LRBA: variants seen among roughly 807,000 people sequenced by gnomAD.
LRBA encodes the protein lipopolysaccharide-responsive and beige-like anchor protein.
In LRBA, 176 loss-of-function variants were observed where a neutral mutation model predicts 330.0. The observed-to-expected ratio is 0.53, with a 90% confidence interval of 0.47 to 0.60. LRBA has a LOEUF of 0.60. Ranked by LOEUF, LRBA falls within the 20% of genes least tolerant of loss-of-function variation. LRBA has a pLI of 0.00. For synonymous variants in LRBA, 1,230 were observed against 1,193.0 expected (o/e 1.03, Z -0.64); for missense variants, 3,259 against 3,444.8 (o/e 0.95, Z 1.35).
chr4:150,793,168 G>C (rs938171785), intron 34 of LRBA, among the ~76,000 whole-genome samples: 5 of 151,944 alleles, frequency 3.3e-5, no homozygotes, highest in Non-Finnish European at 7.4e-5. Flanking sequence ...AGCCATGTAT[G>C]CTGGCATGTG....
At chr4:150,522,298 T>C (rs1762997922) in intron 40 of LRBA, among the ~76,000 whole-genome samples, 1 of 152,108 alleles carries the variant, frequency 6.6e-6, no homozygotes, top group Non-Finnish European at 1.5e-5. Flanking sequence ...TATTAATATT[T>C]TGTTAGAGGA....
rs144148109 is a variant in LRBA at position 150,655,966 on chromosome 4, C to T, written c.5921+27585G>A. On this transcript the variant is annotated intron_variant, in intron 37 of 56. Coordinates refer to ENST00000651943, the MANE Select transcript of LRBA (RefSeq NM_001364905.1). ...AACATCTTTTTGTATTCTCTCCCAT[C>T]GCAAACCTAGTCTAACTTGTAGGAT... Among the ~76,000 whole-genome samples the T allele has an allele frequency of 2.0e-3, 299 of 152,280 alleles. 3 individuals carry two copies. The highest frequency in any genetic ancestry group is 7.0e-3 in the African/African-American group (290 of 41,554).
At position 150,671,041 on chromosome 4, in the gene LRBA, T is replaced by TGA. The variant is rs369417809; in HGVS notation, c.5921+12508_5921+12509dup. Reference sequence around the variant, plus strand: ...GTGTGTGTGTGTGTGTGTGTGTGTGTGAGAGAGAGAGAGAGAGAGAGACAG... The same window carrying TGA: ...GTGTGTGTGTGTGTGTGTGTGTGTGTGAGAGAGAGAGAGAGAGAGAGAGACAG... On this transcript the variant is annotated intron_variant, in intron 37 of 56. Coordinates refer to ENST00000651943, the MANE Select transcript of LRBA (RefSeq NM_001364905.1). Among the ~76,000 whole-genome samples, 245 of 142,792 alleles carry TGA rather than the reference T, an allele frequency of 1.7e-3. 1 individual carries two copies. Among genetic ancestry groups the TGA allele is most frequent in the Middle Eastern group, 3.5e-3 (1 of 286 alleles). 93.7% of individuals were successfully genotyped at this position (142,792 alleles called of 152,430 possible). A position where few individuals can be genotyped will look rare whatever the true frequency, so the allele number is the denominator to read the frequency against.
chr4:151,009,706 C>A (rs1028689391), intron 2 of LRBA, among the ~76,000 whole-genome samples: 2 of 151,522 alleles, frequency 1.3e-5, no homozygotes, highest in Non-Finnish European at 2.9e-5. Context: ...CAGAGCAAGG[C>A]GCGGTGGCTC....
intron 53 of LRBA, among the ~76,000 whole-genome samples, chr4:150,298,560 T>TA (rs1729252306): frequency 1.3e-5 from 2 of 152,098 alleles, no homozygotes; most frequent in Non-Finnish European, 2.9e-5. Flanking sequence ...TACAGTACTT[T>TA]AAAAAACAGC....
intron 2 of LRBA, among the ~76,000 whole-genome samples, chr4:151,000,499 GTTAC>G (rs1449238421): frequency 1.3e-5 from 2 of 152,110 alleles, no homozygotes; most frequent in Admixed American, 6.5e-5. Flanking sequence ...TAAAATAAGG[GTTAC>G]TTAAACACTG....
At chr4:150,916,817 G>A (rs2149489904) in intron 5 of LRBA, 79 bp from the exon 6 acceptor site, 1 of 1,123,928 alleles carries the variant, frequency 8.9e-7, no homozygotes, top group Admixed American at 2.6e-5. Flanking sequence ...ACTTTGCAAT[G>A]CTACATATAT....
intron 37 of LRBA, among the ~76,000 whole-genome samples, chr4:150,602,907 G>A (rs1774263768): frequency 6.6e-6 from 1 of 152,104 alleles, no homozygotes; most frequent in African/African-American, 2.4e-5. Context: ...GCATGGATAA[G>A]ATCAGAAATC....
rs1032405989 is a variant in LRBA, at chr4:150,454,452, C to T, written c.6780+13221G>A. ...TTTGAACAGTTATTAATGTTACTAACGACTTTTAATTACCTTGTCTGTATT... is the reference window on the plus strand; with the variant it reads ...TTTGAACAGTTATTAATGTTACTAATGACTTTTAATTACCTTGTCTGTATT... On this transcript the variant is annotated intron_variant, in intron 44 of 56. Transcript: ENST00000651943. Among the ~76,000 whole-genome samples, 15 of 152,014 alleles carry T rather than the reference C, an allele frequency of 9.9e-5. No homozygotes were observed. In the South Asian group the frequency reaches 1.9e-3, roughly 19 times the overall value.
At chr4:150,672,276 C>T (rs936959021) in intron 37 of LRBA, among the ~76,000 whole-genome samples, 2 of 151,820 alleles carry the variant, frequency 1.3e-5, no homozygotes, top group Non-Finnish European at 2.9e-5. Context: ...TAATAGACAG[C>T]TATAGTTCAG....
intron 22 of LRBA, among the ~76,000 whole-genome samples, chr4:150,854,660 A>G (rs1751013233): frequency 6.6e-6 from 1 of 152,228 alleles, no homozygotes; most frequent in Non-Finnish European, 1.5e-5. Context: ...GTGTAACTGC[A>G]GTAGGCCTCT....
intron 34 of LRBA, among the ~76,000 whole-genome samples, chr4:150,763,265 G>GT (rs1257266613): frequency 6.6e-6 from 1 of 151,974 alleles, no homozygotes; most frequent in Non-Finnish European, 1.5e-5. Context: ...GATACTAACA[G>GT]AATATATCCT....
At chr4:150,502,621 G>A (rs761165987) in intron 40 of LRBA, among the ~76,000 whole-genome samples, 7 of 152,372 alleles carry the variant, frequency 4.6e-5, no homozygotes, top group Non-Finnish European at 1.0e-4. Flanking sequence ...AGCTCCCAGT[G>A]TGAGCAACAC....
intron 34 of LRBA, among the ~76,000 whole-genome samples, chr4:150,763,915 A>G (rs1735423771): frequency 1.3e-5 from 2 of 152,018 alleles, no homozygotes; most frequent in Admixed American, 1.3e-4. Context: ...GTGATCAGCA[A>G]GAAGTACGAT....
intron 36 of LRBA, among the ~76,000 whole-genome samples, chr4:150,697,342 A>AAAAAAAC (rs1784735707): frequency 6.7e-6 from 1 of 148,260 alleles, no homozygotes; most frequent in Non-Finnish European, 1.5e-5. Context: ...AAAAAAAAAA[A>AAAAAAAC]AAAAAAAAAC....
intron 2 of LRBA, among the ~76,000 whole-genome samples, chr4:150,982,741 G>C (rs1740995201): frequency 6.6e-6 from 1 of 152,106 alleles, no homozygotes. Flanking sequence ...AGGACAACAA[G>C]TAAACAAAGA....
chr4:150,772,774 G>A (rs1327613061), intron 34 of LRBA, among the ~76,000 whole-genome samples: 1 of 152,160 alleles, frequency 6.6e-6, no homozygotes, highest in Non-Finnish European at 1.5e-5. Flanking sequence ...ATCTCCTGGA[G>A]CCTATGGCTT....
chr4:150,490,815 C>G (rs960879021), intron 41 of LRBA, 103 bp downstream of exon 41: 1 of 565,316 alleles, frequency 1.8e-6, no homozygotes, highest in Non-Finnish European at 3.0e-6. Context: ...AGAAGGTGGG[C>G]TACAAATAAC....
chr4:150,489,898 C>T (rs571137281), intron 41 of LRBA, among the ~76,000 whole-genome samples: 77 of 149,386 alleles, frequency 5.2e-4, no homozygotes, highest in African/African-American at 1.7e-3. Flanking sequence ...GTCAAGGCCA[C>T]GAGGCAAAGG....
Sources: allele counts gnomAD v4.1 joint callset (sites outside exome capture counted in the v4.1 genomes callset), GRCh38; gene constraint gnomAD v4.1.1; transcripts MANE v1.5; gene names NCBI Gene and HGNC (gene_info 2026-07-23, HGNC 2026-07-21).